The following FHIT variants were observed in gnomAD, a reference collection of about 807,000 sequenced individuals.
FHIT encodes the protein bis(5'-adenosyl)-triphosphatase.
In FHIT, 19 loss-of-function variants were observed where a neutral mutation model predicts 17.9. That is an observed-to-expected ratio of 1.06 (90% confidence interval 0.74 to 1.56). FHIT has a LOEUF of 1.56. FHIT is among the 40% of genes most tolerant of loss of function. FHIT has a pLI of 0.00. For missense variants in FHIT, 248 were observed against 189.2 expected, an observed-to-expected ratio of 1.31 and a Z score of -1.82; for synonymous variants, 81 against 69.7, an observed-to-expected ratio of 1.16 and a Z score of -0.81.
chr3:61,112,317 A>C (rs897909517), intron 2 of FHIT, among the ~76,000 whole-genome samples: 2 of 151,620 alleles, frequency 1.3e-5, no homozygotes, highest in Non-Finnish European at 2.9e-5. Flanking sequence ...GGGTATAACT[A>C]AAAATGGGAC....
chr3:60,335,995 T>C (rs1000082467), intron 5 of FHIT, among the ~76,000 whole-genome samples: 5 of 152,222 alleles, frequency 3.3e-5, no homozygotes, highest in African/African-American at 1.2e-4. Flanking sequence ...TGAAAAAGTG[T>C]GCTTTCTATC....
intron 4 of FHIT, among the ~76,000 whole-genome samples, chr3:60,790,014 A>G (rs1700721482): frequency 6.6e-6 from 1 of 152,350 alleles, no homozygotes; most frequent in Non-Finnish European, 1.5e-5. Context: ...AAATCAATGC[A>G]TGAATTAAAG....
At position 60,531,700 on chromosome 3, in the gene FHIT, G is replaced by T. The variant is rs547091744; in HGVS notation, c.103+5160C>A. On this transcript the variant is annotated intron_variant, in intron 5 of 9. Coordinates refer to ENST00000492590, the MANE Select transcript of FHIT (RefSeq NM_002012.4). ...CAAATATTTCTGATTTTTATGGAAG[G>T]ACTAAAAGGGCGCTTTTATGTATAG... 2.6e-5 allele frequency among the ~76,000 whole-genome samples: 4 copies of T among 152,298 alleles called. No individual in the cohort carries two copies. In the South Asian group the frequency reaches 8.3e-4, roughly 32 times the overall value.
rs977510219 is a variant in FHIT at position 60,153,294 on chromosome 3, T to C, written c.104-139142A>G. Among the ~76,000 whole-genome samples, 3 of 151,354 alleles carry C rather than the reference T, an allele frequency of 2.0e-5. No individual in the cohort carries two copies. The East Asian group carries it at 5.8e-4, about 29-fold the overall frequency. ...TTTTCTCATGGCCTCTTCAAAGTTC[T>C]TTCTACGATGGCATAGTTCCTTAAG... On this transcript the variant is annotated intron_variant, in intron 5 of 9. Coordinates refer to ENST00000492590, the MANE Select transcript of FHIT (RefSeq NM_002012.4).
intron 5 of FHIT, among the ~76,000 whole-genome samples, chr3:60,133,845 T>TA (rs11457865): frequency 0.058 from 8,435 of 146,118 alleles, 292 homozygotes; most frequent in Non-Finnish European, 0.081. Flanking sequence ...AATAAAGAAT[T>TA]AAAAAAAAAA....
intron 3 of FHIT, among the ~76,000 whole-genome samples, chr3:60,862,209 T>C (rs1337699912): frequency 6.6e-6 from 1 of 152,166 alleles, no homozygotes; most frequent in Non-Finnish European, 1.5e-5. Context: ...GACAGTGTCT[T>C]GTTCTATTGC....
At chr3:60,862,049 A>C (rs1288845006) in intron 3 of FHIT, among the ~76,000 whole-genome samples, 2 of 152,186 alleles carry the variant, frequency 1.3e-5, no homozygotes, top group East Asian at 3.8e-4. Flanking sequence ...CAATGTGTCT[A>C]ACAAATGCTT....
intron 5 of FHIT, among the ~76,000 whole-genome samples, chr3:60,391,223 A>ACAAG (rs1328605340): frequency 1.2e-3 from 177 of 147,432 alleles, no homozygotes; most frequent in Middle Eastern, 7.0e-3. Context: ...AAACAAACAA[A>ACAAG]AACAAAAAAG....
At chr3:59,777,161 C>A (rs1702365263) in intron 8 of FHIT, among the ~76,000 whole-genome samples, 1 of 152,116 alleles carries the variant, frequency 6.6e-6, no homozygotes, top group African/African-American at 2.4e-5. Flanking sequence ...GTCAGGGTGG[C>A]CCACGCTTGA....
chr3:61,175,277 C>T (rs2038124098), intron 2 of FHIT, among the ~76,000 whole-genome samples: 2 of 152,180 alleles, frequency 1.3e-5, no homozygotes, highest in South Asian at 4.2e-4. Flanking sequence ...TGAAGAAATA[C>T]CAGATAGGTA....
At chr3:61,211,528 C>T (rs2106763847) in intron 1 of FHIT, among the ~76,000 whole-genome samples, 1 of 152,364 alleles carries the variant, frequency 6.6e-6, no homozygotes, top group South Asian at 2.1e-4. Context: ...GAGCCCACCA[C>T]ATCTCAAGGA....
chr3:61,165,903 G>C (rs1294539584), intron 2 of FHIT: 1 of 152,108 alleles, frequency 6.6e-6, no homozygotes, highest in Non-Finnish European at 1.5e-5. Context: ...TGAAATAATA[G>C]CTGCTATTGA....
intron 7 of FHIT, among the ~76,000 whole-genome samples, chr3:59,986,528 T>TTTATATATATATAA (rs1559523545): frequency 2.7e-4 from 1 of 3,744 alleles, no homozygotes; most frequent in African/African-American, 6.2e-4. Context: ...TATATATATA[T>TTTATATATATATAA]ATATATATAT....
chr3:60,557,279 A>C (rs931747675), intron 4 of FHIT, among the ~76,000 whole-genome samples: 16 of 151,986 alleles, frequency 1.1e-4, no homozygotes, highest in Admixed American at 8.5e-4. Flanking sequence ...TCTCCTCCCC[A>C]CCTCCAACAG....
chr3:60,016,192 T>A (rs1402836163), intron 5 of FHIT, among the ~76,000 whole-genome samples: 2 of 152,256 alleles, frequency 1.3e-5, no homozygotes, highest in Non-Finnish European at 2.9e-5. Context: ...AAAGTTACTA[T>A]ATTGAATTGA....
chr3:59,898,442 T>TTGTG (rs3075168), intron 8 of FHIT, among the ~76,000 whole-genome samples: 5,231 of 145,882 alleles, frequency 0.036, 262 homozygotes, highest in African/African-American at 0.11. Context: ...GTGTGTATGT[T>TTGTG]TGTGTGTGTG....
intron 2 of FHIT, among the ~76,000 whole-genome samples, chr3:61,044,279 A>G (rs527765119): frequency 6.6e-6 from 1 of 152,342 alleles, no homozygotes; most frequent in Admixed American, 6.5e-5. Context: ...AGTGTAGAGA[A>G]GTCCTTAAAT....
At chr3:60,005,324 G>A (rs1699883718) in intron 7 of FHIT, among the ~76,000 whole-genome samples, 1 of 152,084 alleles carries the variant, frequency 6.6e-6, no homozygotes, top group South Asian at 2.1e-4. Context: ...TCAATGATTT[G>A]TATCTACTTA....
rs564635919 is a variant in FHIT at position 60,966,437 on chromosome 3, C to T, written c.-111+75610G>A. On this transcript the variant is annotated intron_variant, in intron 3 of 9. Transcript: ENST00000492590. ...TTTGGCTCATGCTCCGTGGGCTGCA[C>T]CCACTGTCCGACAAGCCCCAGTGAG... 2.5e-3 allele frequency among the ~76,000 whole-genome samples: 388 copies of T among 152,340 alleles called. 2 individuals carry two copies. Among genetic ancestry groups the T allele is most frequent in the African/African-American group, 9.0e-3 (375 of 41,578 alleles).
Sources: gnomAD v4.1 joint callset for allele counts (sites outside exome capture counted in the v4.1 genomes callset) on GRCh38, gnomAD v4.1.1 for gene constraint, MANE v1.5 for transcripts, NCBI Gene and HGNC (gene_info 2026-07-23, HGNC 2026-07-21) for gene names.